Variants in ARB2A observed in about 807,000 individuals in gnomAD.
ARB2A encodes the protein ARB2 cotranscriptional regulator A.
the ARB2A span, among the ~76,000 whole-genome samples, chr5:93,866,377 G>A: frequency 6.6e-6 from 1 of 152,138 alleles, no homozygotes; most frequent in African/African-American, 2.4e-5. Context: ...ACTTTTAGGT[G>A]CAAGCCTAAA....
chr5:93,720,423 A>T, the ARB2A span, among the ~76,000 whole-genome samples: 2 of 152,184 alleles, frequency 1.3e-5, no homozygotes, highest in Non-Finnish European at 2.9e-5. Context: ...CAGGGTTAAG[A>T]TCAGCTAAAT....
chr5:93,635,699 C>A, the ARB2A span, among the ~76,000 whole-genome samples: 1 of 152,068 alleles, frequency 6.6e-6, no homozygotes, highest in South Asian at 2.1e-4. Flanking sequence ...CTCAGTCTCC[C>A]AAAGTGCTGG....
the ARB2A span, among the ~76,000 whole-genome samples, chr5:93,930,032 C>CT: frequency 0.032 from 4,806 of 152,210 alleles, 170 homozygotes; most frequent in East Asian, 0.16. Flanking sequence ...TGATTTTGGA[C>CT]TTTTTAATTA....
chr5:93,740,301 C>A, the ARB2A span: 1 of 331,112 alleles, frequency 3.0e-6, no homozygotes, highest in Non-Finnish European at 5.5e-6. Context: ...AAAAAAGGAA[C>A]AAAATATCGA....
chr5:93,845,761 G>A, the ARB2A span, among the ~76,000 whole-genome samples: 1 of 152,132 alleles, frequency 6.6e-6, no homozygotes, highest in African/African-American at 2.4e-5. Context: ...GTGTCTGTGT[G>A]TGTTGGAGGG....
the ARB2A span, among the ~76,000 whole-genome samples, chr5:93,660,113 C>CA: frequency 6.6e-6 from 1 of 151,580 alleles, no homozygotes; most frequent in African/African-American, 2.4e-5. Context: ...CAATAGTGTA[C>CA]AAATAATTTC....
chr5:94,029,648 T>C, the ARB2A span, among the ~76,000 whole-genome samples: 6 of 152,214 alleles, frequency 3.9e-5, no homozygotes, highest in African/African-American at 1.2e-4. Context: ...CTTTGTTCAC[T>C]TAGGTAAAGT....
chr5:93,909,041 G>T, the ARB2A span, among the ~76,000 whole-genome samples: 13 of 150,778 alleles, frequency 8.6e-5, no homozygotes, highest in Non-Finnish European at 1.9e-4. Flanking sequence ...TTTTTGAAAG[G>T]CCTTCATAAA....
chr5:93,925,982 C>T, the ARB2A span, among the ~76,000 whole-genome samples: 1 of 152,046 alleles, frequency 6.6e-6, no homozygotes, highest in Admixed American at 6.6e-5. Flanking sequence ...AATAAGTGTA[C>T]CTTTACAATA....
chr5:94,051,842 T>C, the ARB2A span, among the ~76,000 whole-genome samples: 3 of 152,274 alleles, frequency 2.0e-5, no homozygotes. Flanking sequence ...TATTTTTAGA[T>C]GGAGTCTCGC....
chr5:93,644,158 T>G, the ARB2A span, among the ~76,000 whole-genome samples: 7 of 152,192 alleles, frequency 4.6e-5, no homozygotes, highest in African/African-American at 1.7e-4. Context: ...CAATAAATAC[T>G]CGTTGAAGTA....
chr5:93,743,567 C>T, the ARB2A span: 3 of 984,748 alleles, frequency 3.0e-6, no homozygotes, highest in Non-Finnish European at 3.6e-6. Context: ...ACGAAGCAAT[C>T]AGTATCTGCC....
At chr5:94,057,827 C>T in the ARB2A span, among the ~76,000 whole-genome samples, 1 of 152,132 alleles carries the variant, frequency 6.6e-6, no homozygotes, top group African/African-American at 2.4e-5. Context: ...GTTTAAGGCA[C>T]AGCAGGAAGG....
At chr5:93,902,738 A>C in the ARB2A span, among the ~76,000 whole-genome samples, 8 of 152,130 alleles carry the variant, frequency 5.3e-5, 1 homozygote, top group African/African-American at 1.9e-4. Flanking sequence ...AATTCTCTCC[A>C]AATGTATGAT....
the ARB2A span, among the ~76,000 whole-genome samples, chr5:93,956,639 C>T: frequency 6.6e-6 from 1 of 150,826 alleles, no homozygotes; most frequent in Non-Finnish European, 1.5e-5. Flanking sequence ...TAGAAAAAGT[C>T]CAAACAAATA....
the ARB2A span, among the ~76,000 whole-genome samples, chr5:93,755,867 C>T: frequency 2.0e-5 from 3 of 152,156 alleles, no homozygotes; most frequent in Non-Finnish European, 2.9e-5. Flanking sequence ...TTGAAAAGGG[C>T]GAGAAGCCTC....
the ARB2A span, among the ~76,000 whole-genome samples, chr5:93,836,479 A>C: frequency 2.0e-5 from 3 of 152,270 alleles, no homozygotes; most frequent in East Asian, 5.8e-4. Flanking sequence ...TTGTTATTTA[A>C]CTCTTTTGTA....
the ARB2A span, among the ~76,000 whole-genome samples, chr5:93,638,544 G>C: frequency 3.3e-5 from 5 of 152,108 alleles, no homozygotes; most frequent in Non-Finnish European, 5.9e-5. Context: ...TGGGCACGGT[G>C]GCTCATGCCT....
chr5:94,074,722 C>T, the ARB2A span: 1 of 1,612,430 alleles, frequency 6.2e-7, no homozygotes, highest in East Asian at 2.2e-5. Context: ...AAATTGGCAA[C>T]AAAATTAAAG....
Sources: allele counts gnomAD v4.1 joint callset (sites outside exome capture counted in the v4.1 genomes callset), GRCh38; gene constraint gnomAD v4.1.1; transcripts MANE v1.5; gene names NCBI Gene and HGNC (gene_info 2026-07-23, HGNC 2026-07-21).